Variants in IGF1R observed in about 807,000 individuals in gnomAD.
IGF1R encodes insulin like growth factor 1 receptor.
Under a neutral mutation model 144.6 loss-of-function variants are expected in IGF1R, and 44 were observed. That is an observed-to-expected ratio of 0.30 (90% CI 0.24 to 0.39). IGF1R has a LOEUF of 0.39. Among genes scored for constraint, IGF1R ranks in the 10% least tolerant of loss-of-function variants. The probability of loss-of-function intolerance (pLI) is 1.00; values close to 1 mark genes in which losing one functional copy is unlikely to be tolerated. For missense variants in IGF1R, 1,355 were observed against 1,833.7 expected (o/e 0.74, Z 4.77); for synonymous variants, 795 against 722.8 (o/e 1.10, Z -1.60).
intron 2 of IGF1R, among the ~76,000 whole-genome samples, chr15:98,873,132 T>G (rs1410679794): frequency 6.6e-6 from 1 of 151,958 alleles, no homozygotes; most frequent in African/African-American, 2.4e-5. Context: ...GTGGGAGGGG[T>G]TGGGGTAAAT....
At chr15:98,823,493 C>G (rs2056838782) in intron 2 of IGF1R, among the ~76,000 whole-genome samples, 1 of 152,242 alleles carries the variant, frequency 6.6e-6, no homozygotes, top group African/African-American at 2.4e-5. Flanking sequence ...TGCATCTTAA[C>G]AAGTTAGTAC....
intron 2 of IGF1R, among the ~76,000 whole-genome samples, chr15:98,816,181 C>T (rs894887011): frequency 7.9e-5 from 12 of 152,230 alleles, no homozygotes; most frequent in African/African-American, 2.9e-4. Context: ...TCATGGGTCT[C>T]ATCCTTGTTT....
chr15:98,881,980 TG>T (rs1311839947), intron 2 of IGF1R, among the ~76,000 whole-genome samples: 4 of 152,244 alleles, frequency 2.6e-5, no homozygotes. Context: ...GAATAGTTTT[TG>T]TGAACAAGAA....
intron 2 of IGF1R, among the ~76,000 whole-genome samples, chr15:98,740,815 C>G (rs776756069): frequency 1.2e-4 from 19 of 152,146 alleles, no homozygotes; most frequent in Non-Finnish European, 2.8e-4. Flanking sequence ...ATGCTTCTCC[C>G]CATTCCTTGG....
chr15:98,958,139 A>G lies in IGF1R; in HGVS notation c.*697A>G. ...TCCATTTGAGAGACACGCTGGCGACACACTCCGTCCATCCGACTGCCCCTG... is the reference window on the plus strand; with the variant it reads ...TCCATTTGAGAGACACGCTGGCGACGCACTCCGTCCATCCGACTGCCCCTG... On this transcript the variant is annotated 3_prime_UTR_variant, in exon 21 of 21. Transcript: ENST00000650285. 4.3e-6 allele frequency: 1 copy of G among 233,628 alleles called. No individual in the cohort carries two copies. The allele number at this position is 233,628 out of a possible 1,614,324, so 14.5% of individuals were successfully genotyped here.
chr15:98,731,684 T>C (rs2054500416), intron 2 of IGF1R, among the ~76,000 whole-genome samples: 1 of 152,210 alleles, frequency 6.6e-6, no homozygotes, highest in South Asian at 2.1e-4. Flanking sequence ...GGCTTGGTGC[T>C]GCCCCCTTCA....
chr15:98,875,151 G>GGAGACAGCA (rs1440124548), intron 2 of IGF1R, among the ~76,000 whole-genome samples: 1 of 149,254 alleles, frequency 6.7e-6, no homozygotes, highest in African/African-American at 2.4e-5. Flanking sequence ...CGGGATTTCG[G>GGAGACAGCA]GAGACAGCAG....
chr15:98,770,710 C>T (rs955129453), intron 2 of IGF1R, among the ~76,000 whole-genome samples: 1 of 152,058 alleles, frequency 6.6e-6, no homozygotes, highest in Non-Finnish European at 1.5e-5. Flanking sequence ...GTAAGTTGGC[C>T]GTTAGCTGTC....
At chr15:98,679,082 T>A (rs1462460851) in intron 1 of IGF1R, among the ~76,000 whole-genome samples, 1 of 152,122 alleles carries the variant, frequency 6.6e-6, no homozygotes, top group Non-Finnish European at 1.5e-5. Flanking sequence ...AATTTTTAAA[T>A]GTTTTTTAGA....
chr15:98,826,072 G>A (rs1265570601), intron 2 of IGF1R, among the ~76,000 whole-genome samples: 3 of 152,226 alleles, frequency 2.0e-5, no homozygotes, highest in Admixed American at 2.0e-4. Context: ...TTAGGCTGGG[G>A]CCTGCCATGT....
intron 2 of IGF1R, among the ~76,000 whole-genome samples, chr15:98,763,517 G>A (rs2055359272): frequency 6.6e-6 from 1 of 151,668 alleles, no homozygotes; most frequent in Admixed American, 6.6e-5. Flanking sequence ...GCATGGACTG[G>A]GTAGCCTTGT....
intron 10 of IGF1R, among the ~76,000 whole-genome samples, chr15:98,918,682 C>G (rs1160912570): frequency 6.6e-6 from 1 of 152,092 alleles, no homozygotes; most frequent in African/African-American, 2.4e-5. Context: ...CGTTCGAGAC[C>G]AGCCGGGCAT....
chr15:98,843,929 T>C (rs1596351603), intron 2 of IGF1R, among the ~76,000 whole-genome samples: 1 of 152,246 alleles, frequency 6.6e-6, no homozygotes, highest in East Asian at 1.9e-4. Flanking sequence ...ACTGCAGAAA[T>C]TCCTGTGAAC....
chr15:98,715,588 G>A (rs2054094611), intron 2 of IGF1R, among the ~76,000 whole-genome samples: 1 of 152,172 alleles, frequency 6.6e-6, no homozygotes, highest in African/African-American at 2.4e-5. Flanking sequence ...CGGCAGAGTG[G>A]GGATGACGTG....
At chr15:98,745,248 A>G (rs7163416) in intron 2 of IGF1R, among the ~76,000 whole-genome samples, 141,877 of 152,294 alleles carry the variant, frequency 0.93, 66,386 homozygotes, top group Non-Finnish European at 0.98. Flanking sequence ...TACACTCTTG[A>G]TATTACAAAA....
chr15:98,961,383 A>C lies in IGF1R; in HGVS notation c.*3941A>C, dbSNP rs753151405. On this transcript the variant is annotated 3_prime_UTR_variant, in exon 21 of 21. Transcript: ENST00000650285. ...CTAACAGTGTAGTGCCCATCATAGC[A>C]AATGCTTCAGAAACACCTCAATAAA... 1 of 233,418 alleles carries C rather than the reference A, an allele frequency of 4.3e-6. No individual in the cohort carries two copies. Among genetic ancestry groups the C allele is most frequent in the Non-Finnish European group, 8.5e-6 (1 of 117,996 alleles). The allele number at this position is 233,418 out of a possible 1,614,324, so 14.5% of individuals were successfully genotyped here. A position where few individuals can be genotyped will look rare whatever the true frequency, so the allele number is the denominator to read the frequency against.
chr15:98,878,374 A>G (rs749845498), intron 2 of IGF1R, among the ~76,000 whole-genome samples: 18 of 152,240 alleles, frequency 1.2e-4, no homozygotes, highest in Admixed American at 5.9e-4. Context: ...AGTTACAAAT[A>G]TAGAATACTC....
intron 2 of IGF1R, among the ~76,000 whole-genome samples, chr15:98,745,880 A>G (rs966512596): frequency 2.6e-5 from 4 of 152,226 alleles, no homozygotes; most frequent in African/African-American, 7.2e-5. Context: ...TTTGACCCAG[A>G]AATTCTACTT....
At chr15:98,747,774 T>C in intron 2 of IGF1R, among the ~76,000 whole-genome samples, 1 of 152,182 alleles carries the variant, frequency 6.6e-6, no homozygotes, top group African/African-American at 2.4e-5. Flanking sequence ...TCTCAAGAGC[T>C]AGAGAGAGAT....
Sources: gnomAD v4.1 joint callset for allele counts (sites outside exome capture counted in the v4.1 genomes callset) on GRCh38, gnomAD v4.1.1 for gene constraint, MANE v1.5 for transcripts, NCBI Gene and HGNC (gene_info 2026-07-23, HGNC 2026-07-21) for gene names.